Variants in NOVA1 observed in about 807,000 individuals in gnomAD.
NOVA1 encodes the protein RNA-binding protein Nova-1.
In NOVA1, 7 loss-of-function variants were observed where a neutral mutation model predicts 38.0. The ratio of observed to expected loss-of-function variants is 0.18; its 90% confidence interval spans 0.10 to 0.35. The LOEUF (loss-of-function observed/expected upper bound fraction) is 0.35. Ranked by LOEUF, NOVA1 falls within the 10% of genes least tolerant of loss-of-function variation. The probability of loss-of-function intolerance (pLI) is 1.00; values close to 1 mark genes in which losing one functional copy is unlikely to be tolerated. For synonymous variants in NOVA1, 270 were observed against 232.5 expected (o/e 1.16, Z -1.47); for missense variants, 460 against 616.0 (o/e 0.75, Z 2.68).
intron 2 of NOVA1, among the ~76,000 whole-genome samples, chr14:26,552,333 C>T (rs1051921608): frequency 6.6e-6 from 1 of 151,922 alleles, no homozygotes; most frequent in African/African-American, 2.4e-5. Flanking sequence ...GAATGTTTTA[C>T]CCCAATAGTG....
chr14:26,533,321 T>C (rs1370330432), intron 2 of NOVA1, among the ~76,000 whole-genome samples: 1 of 152,212 alleles, frequency 6.6e-6, no homozygotes, highest in Non-Finnish European at 1.5e-5. Context: ...TTTGCGGTAA[T>C]GCAATGGGTA....
chr14:26,578,122 T>C (rs912740217), intron 2 of NOVA1, among the ~76,000 whole-genome samples: 5 of 152,026 alleles, frequency 3.3e-5, no homozygotes, highest in African/African-American at 9.7e-5. Flanking sequence ...CTGATGGTTA[T>C]ATAAAAAGGA....
intron 4 of NOVA1, among the ~76,000 whole-genome samples, chr14:26,466,763 C>T (rs1235837283): frequency 6.6e-6 from 1 of 152,084 alleles, no homozygotes; most frequent in Admixed American, 6.5e-5. Context: ...AATAACACTA[C>T]AAAATGAGCT....
In NOVA1 at chr14:26,571,246, G is replaced by A. The variant is rs186000948; in HGVS notation, c.280+24164C>T. Among the ~76,000 whole-genome samples, 25 of 151,928 alleles carry A rather than the reference G, an allele frequency of 1.6e-4. No individual in the cohort carries two copies. The East Asian group carries it at 2.5e-3, about 15-fold the overall frequency. ...AAAAGGAGGAATTAAGTGTCCTCAC[G>A]TTCTAAAAAGAACTGAAAAAAAATT... On this transcript the variant is annotated intron_variant, in intron 2 of 4. Coordinates refer to ENST00000539517, the MANE Select transcript of NOVA1 (RefSeq NM_002515.3).
intron 2 of NOVA1, among the ~76,000 whole-genome samples, chr14:26,568,070 G>A (rs1339006156): frequency 2.0e-5 from 3 of 152,120 alleles, no homozygotes; most frequent in Non-Finnish European, 2.9e-5. Flanking sequence ...TGGGATCTTG[G>A]GAAAAGGTAG....
At chr14:26,518,046 C>T (rs987860693) in intron 2 of NOVA1, among the ~76,000 whole-genome samples, 2 of 151,988 alleles carry the variant, frequency 1.3e-5, no homozygotes, top group African/African-American at 4.8e-5. Flanking sequence ...CTATCATAAA[C>T]ATGATATAAG....
intron 2 of NOVA1, among the ~76,000 whole-genome samples, chr14:26,530,817 A>C (rs1021555508): frequency 7.2e-5 from 11 of 152,174 alleles, no homozygotes; most frequent in Non-Finnish European, 1.6e-4. Context: ...AATTACAGAA[A>C]CCAAACCTAT....
At chr14:26,454,506 A>C (rs116045748) in intron 4 of NOVA1, among the ~76,000 whole-genome samples, 3,673 of 152,278 alleles carry the variant, frequency 0.024, 153 homozygotes, top group African/African-American at 0.084. Context: ...AACTCAGATA[A>C]AAATGAGACT....
At chr14:26,483,116 T>C (rs1207670109) in intron 2 of NOVA1, among the ~76,000 whole-genome samples, 2 of 152,216 alleles carry the variant, frequency 1.3e-5, no homozygotes, top group Non-Finnish European at 2.9e-5. Flanking sequence ...TGATTTAACA[T>C]ACAGTATTAA....
At chr14:26,583,252 A>C (rs148246241) in intron 2 of NOVA1, among the ~76,000 whole-genome samples, 1 of 151,784 alleles carries the variant, frequency 6.6e-6, no homozygotes, top group East Asian at 1.9e-4. Flanking sequence ...ATTTCTTCAA[A>C]ATTTTTCTCA....
In NOVA1 at chr14:26,597,680, T is replaced by C. The variant is rs1234698663; in HGVS notation, c.-244A>G. 2 of 1,150,098 alleles carry C rather than the reference T, an allele frequency of 1.7e-6. No homozygotes were observed. The highest frequency in any genetic ancestry group is 4.9e-5 in the Admixed American group (1 of 20,448). 71.2% of individuals were successfully genotyped at this position (1,150,098 alleles called of 1,614,324 possible). On this transcript the variant is annotated 5_prime_UTR_variant, in exon 1 of 5. Coordinates refer to ENST00000539517, the MANE Select transcript of NOVA1 (RefSeq NM_002515.3). ...CAGTGTCAGAAAGGAGACAGGGGAA[T>C]GGAGGGGGTGTGAGAGACGGAGGGT...
chr14:26,501,161 C>A (rs1283279976), intron 2 of NOVA1, among the ~76,000 whole-genome samples: 1 of 151,904 alleles, frequency 6.6e-6, no homozygotes, highest in Non-Finnish European at 1.5e-5. Context: ...ACGAAGGTAG[C>A]AATTCAGTGC....
intron 2 of NOVA1, among the ~76,000 whole-genome samples, chr14:26,564,984 C>G (rs760849896): frequency 6.6e-6 from 1 of 152,144 alleles, no homozygotes; most frequent in Non-Finnish European, 1.5e-5. Context: ...CTTGATGAAT[C>G]TGGTTCATCA....
At chr14:26,538,511 A>G (rs1890257376) in intron 2 of NOVA1, among the ~76,000 whole-genome samples, 1 of 152,158 alleles carries the variant, frequency 6.6e-6, no homozygotes, top group Non-Finnish European at 1.5e-5. Context: ...TTTAATGTTT[A>G]ATTATGTTTG....
chr14:26,505,716 A>T (rs1314966442), intron 2 of NOVA1, among the ~76,000 whole-genome samples: 1 of 152,220 alleles, frequency 6.6e-6, no homozygotes, highest in Non-Finnish European at 1.5e-5. Flanking sequence ...TCTGAATGGT[A>T]TGATCTAATT....
intron 3 of NOVA1, among the ~76,000 whole-genome samples, chr14:26,476,149 GTTT>G (rs1884968357): frequency 6.6e-6 from 1 of 152,078 alleles, no homozygotes; most frequent in African/African-American, 2.4e-5. Flanking sequence ...GTCATCTTTA[GTTT>G]TTAATTTCTG....
chr14:26,567,650 C>T (rs1892217960), intron 2 of NOVA1, among the ~76,000 whole-genome samples: 1 of 152,044 alleles, frequency 6.6e-6, no homozygotes, highest in African/African-American at 2.4e-5. Flanking sequence ...ATCTGGAGAA[C>T]AATAATATCA....
At chr14:26,516,872 G>A (rs1457378038) in intron 2 of NOVA1, among the ~76,000 whole-genome samples, 13 of 148,402 alleles carry the variant, frequency 8.8e-5, no homozygotes, top group Admixed American at 7.4e-4. Context: ...TGGCCTTCAT[G>A]TTCTGGCCAC....
At chr14:26,562,095 C>T (rs1566539719) in intron 2 of NOVA1, among the ~76,000 whole-genome samples, 1 of 152,082 alleles carries the variant, frequency 6.6e-6, no homozygotes, top group Non-Finnish European at 1.5e-5. Context: ...AATCTAGTGA[C>T]TTGCCTTATT....
Sources: allele counts gnomAD v4.1 joint callset (sites outside exome capture counted in the v4.1 genomes callset), GRCh38; gene constraint gnomAD v4.1.1; transcripts MANE v1.5; gene names NCBI Gene and HGNC (gene_info 2026-07-23, HGNC 2026-07-21).